ZBTB38: variants seen among roughly 807,000 people sequenced by gnomAD.
The protein encoded by ZBTB38 is zinc finger and BTB domain containing 38.
A neutral mutation model predicts 76.8 loss-of-function variants in ZBTB38; 20 were observed. The observed-to-expected ratio is 0.26, with a 90% CI of 0.18 to 0.38. The LOEUF is 0.38. Ranked by LOEUF, ZBTB38 falls within the 10% of genes least tolerant of loss-of-function variation. The pLI, the probability that ZBTB38 is intolerant of heterozygous loss-of-function variation, is 1.00. For synonymous variants in ZBTB38, 504 were observed against 544.2 expected (o/e 0.93, Z 1.03); for missense variants, 1,082 against 1,482.3 (o/e 0.73, Z 4.43).
In ZBTB38 at chr3:141,442,859, C is replaced by T; in HGVS notation, c.471C>T (p.Ala157=). 2 of 1,614,190 alleles carry T rather than the reference C, an allele frequency of 1.2e-6. No individual in the cohort carries two copies. Among genetic ancestry groups the T allele is most frequent in the Non-Finnish European group, 1.7e-6 (2 of 1,180,036 alleles). The part of the protein sequence containing the change: ...EKNEKRHEEP[A]ITNGPRITNA... The stretch of plus-strand genomic sequence containing the variant: ...ATGAAAAAAGGCATGAAGAACCAGC[C>T]ATCACTAATGGGCCAAGGATCACAA... Residue 157 remains alanine (A), a synonymous_variant, in exon 6 of 6, where the codon GCC becomes GCT. Coordinates refer to ENST00000321464, the MANE Select transcript of ZBTB38 (RefSeq NM_001376113.1). This position sits in a 1 kb window ranked among gnomAD's most constrained non-coding sequence, Gnocchi z 6.4.
chr3:141,444,797 C>A lies in ZBTB38; in HGVS notation c.2409C>A (p.Ser803Arg), dbSNP rs2080872374. The change falls in exon 6 of 6, where the codon AGC (serine) becomes AGA (arginine). Residue 803 changes from serine (S) to arginine (R), a missense_variant. By Grantham distance (110) the Ser-to-Arg change is moderately radical. Around this residue, in one of 8 missense-constraint regions of ZBTB38, gnomAD observed 471 missense variants for 581.0 expected, o/e 0.81. Coordinates refer to ENST00000321464, the MANE Select transcript of ZBTB38 (RefSeq NM_001376113.1). This position sits in a 1 kb window ranked among gnomAD's most constrained non-coding sequence, Gnocchi z 5.1. ...TTGCTGATCCTGGAGGATCACTGAG[C>A]AAAACCACAAATATTGCTGAAGAAA... ...NYVADPGGSL[S>R]KTTNIAEETS... 2.5e-6 allele frequency: 4 copies of A among 1,614,006 alleles called. No homozygotes were observed. The highest frequency in any genetic ancestry group is 1.7e-5 in the Admixed American group (1 of 59,996).
At chr3:141,334,416 C>CCTTCCTTCCTTCCTTCCTTCCTTT (rs1942948937) in intron 1 of ZBTB38, among the ~76,000 whole-genome samples, 1 of 124,064 alleles carries the variant, frequency 8.1e-6, no homozygotes, top group African/African-American at 3.5e-5. Flanking sequence ...TTCCTTCCTT[C>CCTTCCTTCCTTCCTTCCTTCCTTT]CTTCCTTCCT....
At chr3:141,340,949 G>GGAAGGAAGGAAAGAAAGAAAGAAA (rs747290360) in intron 1 of ZBTB38, among the ~76,000 whole-genome samples, 2 of 111,928 alleles carry the variant, frequency 1.8e-5, no homozygotes, top group African/African-American at 8.3e-5. Context: ...AAAGAAAGAA[G>GGAAGGAAGGAAAGAAAGAAAGAAA]GAAAGAAAGA....
chr3:141,369,250 C>G (rs1944189628), intron 1 of ZBTB38, among the ~76,000 whole-genome samples: 3 of 152,188 alleles, frequency 2.0e-5, no homozygotes, highest in African/African-American at 2.4e-5. Context: ...TATTTTCACA[C>G]TTAACCTGGT....
At chr3:141,377,092 C>A (rs2149105637) in intron 2 of ZBTB38, among the ~76,000 whole-genome samples, 1 of 152,380 alleles carries the variant, frequency 6.6e-6, no homozygotes, top group South Asian at 2.1e-4. Context: ...CCTGCCCTAC[C>A]CCATGGGAGC....
chr3:141,373,779 A>C (rs1944958420), intron 2 of ZBTB38, among the ~76,000 whole-genome samples: 1 of 152,204 alleles, frequency 6.6e-6, no homozygotes, highest in Non-Finnish European at 1.5e-5. Flanking sequence ...TGTCAGAATA[A>C]GTAGGTGATA....
At chr3:141,355,280 T>G (rs1475752916) in intron 1 of ZBTB38, among the ~76,000 whole-genome samples, 1 of 152,062 alleles carries the variant, frequency 6.6e-6, no homozygotes, top group African/African-American at 2.4e-5. Context: ...AGATTAAACT[T>G]GGCTACAAGG....
At chr3:141,425,932 G>A (rs2150319037) in intron 5 of ZBTB38, among the ~76,000 whole-genome samples, 1 of 152,342 alleles carries the variant, frequency 6.6e-6, no homozygotes, top group South Asian at 2.1e-4. Context: ...AGATTGCTGT[G>A]AGGCCTAAAT....
chr3:141,380,008 A>G (rs191353852), intron 2 of ZBTB38, among the ~76,000 whole-genome samples: 161 of 152,368 alleles, frequency 1.1e-3, no homozygotes, highest in Non-Finnish European at 2.0e-3. Flanking sequence ...CAATTAACCT[A>G]TAACTATTTT....
chr3:141,333,343 T>C (rs930629859), intron 1 of ZBTB38, among the ~76,000 whole-genome samples: 1 of 152,022 alleles, frequency 6.6e-6, no homozygotes, highest in Non-Finnish European at 1.5e-5. Context: ...GTCACTCACA[T>C]GGTTGGTTGC....
chr3:141,445,616 C>T lies in ZBTB38; in HGVS notation c.3228C>T (p.Thr1076=). The T allele has an allele frequency of 6.2e-7, 1 of 1,614,216 alleles. No homozygotes were observed. Among genetic ancestry groups the T allele is most frequent in the Non-Finnish European group, 8.5e-7 (1 of 1,180,040 alleles). ...FVCQYCNKAF[T]LNETLKIHER... is the part of the protein sequence containing the mutation. The stretch of plus-strand genomic sequence containing the variant: ...GTCAGTATTGCAACAAGGCATTCAC[C>T]TTGAATGAGACCCTCAAAATCCATG... Residue 1076 remains threonine (T), a synonymous_variant, in exon 6 of 6, where the codon ACC becomes ACT. Transcript: ENST00000321464. This position sits in a 1 kb window ranked among gnomAD's most constrained non-coding sequence, Gnocchi z 6.5.
intron 1 of ZBTB38, among the ~76,000 whole-genome samples, chr3:141,355,723 G>C (rs983864543): frequency 6.6e-6 from 1 of 152,068 alleles, no homozygotes; most frequent in Non-Finnish European, 1.5e-5. Context: ...CCCATCTTAG[G>C]GGGGTCACCA....
chr3:141,407,748 C>T (rs2149741608), intron 5 of ZBTB38, among the ~76,000 whole-genome samples: 1 of 152,356 alleles, frequency 6.6e-6, no homozygotes, highest in Non-Finnish European at 1.5e-5. Context: ...TTGCCAATTT[C>T]TGCGAAGCAG....
intron 2 of ZBTB38, among the ~76,000 whole-genome samples, chr3:141,375,996 C>A (rs1209328904): frequency 6.6e-6 from 1 of 152,120 alleles, no homozygotes; most frequent in Non-Finnish European, 1.5e-5. Context: ...ATTATAGCAA[C>A]AAAAAACCAT....
In ZBTB38 at chr3:141,443,286, C is replaced by G. The variant is rs62282002; in HGVS notation, c.898C>G (p.Pro300Ala). Residue 300 changes from proline to alanine, a missense_variant, in exon 6 of 6, where the codon CCA becomes GCA. Physicochemically the swap from Pro to Ala is conservative, Grantham distance 27. This residue lies in a region of ZBTB38 where 324 missense variants were observed against 359.1 expected (regional missense o/e 0.90). Coordinates refer to ENST00000321464, the MANE Select transcript of ZBTB38 (RefSeq NM_001376113.1). This position sits in a 1 kb window ranked among gnomAD's most constrained non-coding sequence, Gnocchi z 5.6. ...LEVNQERSPQ[P>A]AAVLTRSKSP... is the part of the protein sequence containing the mutation. ...GGTTAATCAAGAAAGAAGTCCACAA[C>G]CAGCTGCTGTTCTCACTCGTTCAAA... 156,985 of 1,614,158 alleles carry G rather than the reference C, an allele frequency of 0.097. 9,479 individuals carry two copies. The highest frequency in any genetic ancestry group is 0.27 in the East Asian group (12,241 of 44,876).
chr3:141,438,216 T>C (rs556791248), intron 5 of ZBTB38: 3 of 150,544 alleles, frequency 2.0e-5, no homozygotes, highest in East Asian at 3.9e-4. Flanking sequence ...TTCTTTCTTT[T>C]TTTTTTTTCT....
intron 1 of ZBTB38, among the ~76,000 whole-genome samples, chr3:141,335,255 A>G (rs896532385): frequency 6.6e-6 from 1 of 152,256 alleles, no homozygotes; most frequent in Non-Finnish European, 1.5e-5. Context: ...TGCGAGCACT[A>G]AATGACTTAA....
At chr3:141,334,409 C>CTTCT (rs1942948046) in intron 1 of ZBTB38, among the ~76,000 whole-genome samples, 1 of 72,182 alleles carries the variant, frequency 1.4e-5, no homozygotes, top group Admixed American at 1.2e-4. Flanking sequence ...TCCTTCTTTC[C>CTTCT]TTCCTTCCTT....
At chr3:141,369,703 G>A (rs958518813) in intron 1 of ZBTB38, among the ~76,000 whole-genome samples, 169 bp from the exon 2 acceptor site, 22 of 152,226 alleles carry the variant, frequency 1.4e-4, no homozygotes, top group African/African-American at 5.3e-4. Context: ...TGGGAGCGGG[G>A]AGGCGTAAGT....
Sources: allele counts gnomAD v4.1 joint callset (sites outside exome capture counted in the v4.1 genomes callset), GRCh38; gene constraint gnomAD v4.1.1; regional missense constraint gnomAD v4.1.1; non-coding constraint Gnocchi (gnomAD v3.1); transcripts MANE v1.5; gene names NCBI Gene and HGNC (gene_info 2026-07-23, HGNC 2026-07-21).